Variants in PPP2R3A observed in about 807,000 individuals in gnomAD.
PPP2R3A encodes serine/threonine-protein phosphatase 2A regulatory subunit B'' subunit alpha.
Under a neutral mutation model 106.9 loss-of-function variants are expected in PPP2R3A, and 80 were observed. That is an observed-to-expected ratio of 0.75 (90% CI 0.62 to 0.90). The LOEUF (loss-of-function observed/expected upper bound fraction) is 0.90. Ranked by LOEUF, PPP2R3A falls within the 40% of genes least tolerant of loss-of-function variation. The probability of loss-of-function intolerance (pLI) is 0.00; values close to 1 mark genes in which losing one functional copy is unlikely to be tolerated. For synonymous variants in PPP2R3A, 483 were observed against 468.3 expected (o/e 1.03, Z -0.41); for missense variants, 1,386 against 1,350.4 (o/e 1.03, Z -0.41).
chr3:136,006,557 A>G (rs1417214820), intron 2 of PPP2R3A, among the ~76,000 whole-genome samples: 1 of 152,188 alleles, frequency 6.6e-6, no homozygotes, highest in Non-Finnish European at 1.5e-5. Context: ...AAAAATGTAA[A>G]CCATTCTTAG....
chr3:136,019,151 A>G (rs1215904518), intron 2 of PPP2R3A, among the ~76,000 whole-genome samples: 1 of 152,214 alleles, frequency 6.6e-6, no homozygotes, highest in Non-Finnish European at 1.5e-5. Flanking sequence ...GAAGAGATGC[A>G]GGCAGCTGTG....
At chr3:135,967,303 C>A (rs552014943) in intron 1 of PPP2R3A, among the ~76,000 whole-genome samples, 2 of 152,206 alleles carry the variant, frequency 1.3e-5, no homozygotes, top group South Asian at 2.1e-4. Flanking sequence ...TTACTGGGGC[C>A]AATCTGGCTG....
intron 1 of PPP2R3A, among the ~76,000 whole-genome samples, chr3:135,996,203 C>G (rs1013117403): frequency 1.3e-5 from 2 of 152,142 alleles, no homozygotes; most frequent in African/African-American, 4.8e-5. Context: ...TACTGTAGCT[C>G]AATAATTAAT....
At chr3:136,035,455 G>A (rs543340994) in intron 3 of PPP2R3A, among the ~76,000 whole-genome samples, 2 of 151,982 alleles carry the variant, frequency 1.3e-5, no homozygotes, top group Non-Finnish European at 2.9e-5. Context: ...TTTGTTTTTC[G>A]GAAAAAGACT....
At chr3:136,101,038 G>C (rs1198932761) in intron 10 of PPP2R3A, among the ~76,000 whole-genome samples, 1 of 152,174 alleles carries the variant, frequency 6.6e-6, no homozygotes, top group Non-Finnish European at 1.5e-5. Context: ...TGAGGAAAAT[G>C]CAAGAAACAA....
At chr3:136,105,589 GAGGTTAGC>G (rs1211398979) in intron 12 of PPP2R3A, among the ~76,000 whole-genome samples, 1 of 152,066 alleles carries the variant, frequency 6.6e-6, no homozygotes, top group Non-Finnish European at 1.5e-5. Flanking sequence ...CCCAGATTCT[GAGGTTAGC>G]AGTAAGCTAT....
chr3:135,981,332 G>A (rs973146440), intron 1 of PPP2R3A, among the ~76,000 whole-genome samples: 1 of 151,736 alleles, frequency 6.6e-6, no homozygotes, highest in African/African-American at 2.4e-5. Flanking sequence ...TGGGATGGGG[G>A]CCAGGGGTGC....
chr3:136,144,859 GAGA>G (rs1055900670), intron 13 of PPP2R3A, among the ~76,000 whole-genome samples, 181 bp from the exon 14 acceptor site: 4 of 152,182 alleles, frequency 2.6e-5, no homozygotes, highest in African/African-American at 9.7e-5. Flanking sequence ...AAGGAACAGG[GAGA>G]AGAATGTGTT....
intron 6 of PPP2R3A, 115 bp from the exon 7 acceptor site, chr3:136,078,252 A>G: frequency 4.2e-6 from 3 of 721,814 alleles, no homozygotes; most frequent in Admixed American, 2.8e-5. Context: ...TACACTTAAC[A>G]TAATCAAAAA....
chr3:136,040,251 A>C (rs1021757840), intron 3 of PPP2R3A, among the ~76,000 whole-genome samples: 5 of 152,228 alleles, frequency 3.3e-5, no homozygotes, highest in Non-Finnish European at 7.3e-5. Flanking sequence ...AATTTATAAG[A>C]GTGGTAAGCC....
At chr3:136,019,375 CCT>C (rs1934384921) in intron 2 of PPP2R3A, among the ~76,000 whole-genome samples, 1 of 152,116 alleles carries the variant, frequency 6.6e-6, no homozygotes, top group South Asian at 2.1e-4. Flanking sequence ...CTCTATTTTT[CCT>C]CATTCTGGTT....
At chr3:136,124,529 C>T (rs939205696) in intron 13 of PPP2R3A, among the ~76,000 whole-genome samples, 6 of 151,874 alleles carry the variant, frequency 4.0e-5, no homozygotes, top group Non-Finnish European at 1.5e-5. Context: ...CACCCTAAAG[C>T]AGTGCTTAGA....
chr3:136,135,115 CA>C (rs557888242), intron 13 of PPP2R3A, among the ~76,000 whole-genome samples: 36 of 151,948 alleles, frequency 2.4e-4, no homozygotes, highest in African/African-American at 8.7e-4. Context: ...AAAGAGGAGG[CA>C]GGGGGTTGCA....
intron 2 of PPP2R3A, among the ~76,000 whole-genome samples, chr3:136,012,994 T>C (rs189927943): frequency 7.2e-5 from 11 of 152,336 alleles, no homozygotes; most frequent in South Asian, 2.1e-4. Context: ...GTCATTCTTA[T>C]GCCTTTGCAT....
chr3:136,096,011 C>T (rs867630229), intron 10 of PPP2R3A, among the ~76,000 whole-genome samples: 1 of 152,188 alleles, frequency 6.6e-6, no homozygotes, highest in Admixed American at 6.5e-5. Flanking sequence ...ATGCTCAGAA[C>T]ACATCTTAGC....
chr3:136,010,444 T>G (rs1934022570), intron 2 of PPP2R3A, among the ~76,000 whole-genome samples: 1 of 137,732 alleles, frequency 7.3e-6, no homozygotes, highest in Non-Finnish European at 1.6e-5. Context: ...TTTTTTTTTT[T>G]GAGACGGAGT....
chr3:136,032,735 C>T (rs11924345), intron 3 of PPP2R3A, among the ~76,000 whole-genome samples: 43 of 152,176 alleles, frequency 2.8e-4, no homozygotes, highest in African/African-American at 1.0e-3. Context: ...GGGGTTTCAC[C>T]ATGTTAGCCA....
intron 13 of PPP2R3A, among the ~76,000 whole-genome samples, chr3:136,110,223 A>C (rs1288879753): frequency 6.6e-6 from 1 of 152,174 alleles, no homozygotes; most frequent in African/African-American, 2.4e-5. Context: ...ACAAATATCA[A>C]ACAGTTAAGA....
At chr3:136,116,066 CAGA>C (rs1418253899) in intron 13 of PPP2R3A, among the ~76,000 whole-genome samples, 4 of 152,260 alleles carry the variant, frequency 2.6e-5, no homozygotes, top group East Asian at 1.9e-4. Flanking sequence ...CCCTACAAGC[CAGA>C]AGAAGAAAGT....
Sources: gnomAD v4.1 joint callset for allele counts (sites outside exome capture counted in the v4.1 genomes callset) on GRCh38, gnomAD v4.1.1 for gene constraint, MANE v1.5 for transcripts, NCBI Gene and HGNC (gene_info 2026-07-23, HGNC 2026-07-21) for gene names.